The following ALMS1 variants were observed in gnomAD, a reference collection of about 807,000 sequenced individuals.
ALMS1 encodes the protein centrosome-associated protein ALMS1.
Under a neutral mutation model 352.2 loss-of-function variants are expected in ALMS1, and 271 were observed. That is an observed-to-expected ratio of 0.77 (90% CI 0.70 to 0.85). The LOEUF (loss-of-function observed/expected upper bound fraction) is 0.85. Ranked by LOEUF, ALMS1 falls within the 40% of genes least tolerant of loss-of-function variation. ALMS1 has a pLI of 0.00. For missense variants in ALMS1, 5,445 were observed against 4,870.7 expected (o/e 1.12, Z -3.51); for synonymous variants, 1,865 against 1,761.2 (o/e 1.06, Z -1.48).
chr2:73,593,396 ATTGT>A (rs1277669244), intron 16 of ALMS1, among the ~76,000 whole-genome samples: 5 of 151,648 alleles, frequency 3.3e-5, no homozygotes, highest in Non-Finnish European at 5.9e-5. Context: ...TTTTTTTAGG[ATTGT>A]TTGTTGTTTA....
Position 73,491,108 on chromosome 2 carries a change from C to G in ALMS1, c.9149C>G (p.Thr3050Ser). The change falls in exon 10 of 23, where the codon ACT (threonine) becomes AGT (serine). Residue 3050 changes from threonine (T) to serine (S), a missense_variant. Thr to Ser is a moderately conservative substitution (Grantham distance 58). Coordinates refer to ENST00000613296, the MANE Select transcript of ALMS1 (RefSeq NM_001378454.1). ...NRKALSCVHITLCPKTSSKLD... is the reference protein window; with the variant it reads ...NRKALSCVHISLCPKTSSKLD... ...AAAGCACTTTCTTGTGTTCATATAA[C>G]TCTTTGTCCCAAGACTTCTTCCAAG... 1.2e-6 allele frequency: 2 copies of G among 1,614,194 alleles called. No individual in the cohort carries two copies. Among genetic ancestry groups the G allele is most frequent in the East Asian group, 2.2e-5 (1 of 44,882 alleles).
chr2:73,450,065 C>G lies in ALMS1; in HGVS notation c.3538C>G (p.Gln1180Glu). 4 of 1,613,886 alleles carry G rather than the reference C, an allele frequency of 2.5e-6. No individual in the cohort carries two copies. Among genetic ancestry groups the G allele is most frequent in the Non-Finnish European group, 3.4e-6 (4 of 1,179,938 alleles). Residue 1180 changes from glutamine to glutamate, a missense_variant, in exon 8 of 23, where the codon CAG becomes GAG. Physicochemically the swap from Gln to Glu is conservative, Grantham distance 29. Transcript: ENST00000613296. ...TTCAGCTGTTACTGGACCAGGTAAC[C>G]AGAAGACTTGGATACCAAGAGTACT... ...KVSAVTGPGN[Q>E]KTWIPRVLST...
At chr2:73,593,021 A>G (rs1675464175) in intron 16 of ALMS1, among the ~76,000 whole-genome samples, 2 of 152,134 alleles carry the variant, frequency 1.3e-5, no homozygotes, top group South Asian at 4.1e-4. Flanking sequence ...GCCATTTAAT[A>G]TATAGTCACC....
chr2:73,527,859 C>G (rs1673824487), intron 11 of ALMS1, among the ~76,000 whole-genome samples: 2 of 151,362 alleles, frequency 1.3e-5, no homozygotes, highest in African/African-American at 4.9e-5. Flanking sequence ...TGAAGTTTTT[C>G]TATGTTTTTT....
At chr2:73,589,565 AT>A (rs1171847832) in intron 16 of ALMS1, among the ~76,000 whole-genome samples, 1 of 152,172 alleles carries the variant, frequency 6.6e-6, no homozygotes, top group Non-Finnish European at 1.5e-5. Flanking sequence ...CAAAATACAT[AT>A]TTTTTAAGTA....
chr2:73,398,411 G>A (rs1251958560), intron 1 of ALMS1, among the ~76,000 whole-genome samples: 3 of 152,100 alleles, frequency 2.0e-5, no homozygotes, highest in African/African-American at 7.2e-5. Context: ...GTTAGGTAGT[G>A]TCAGTCCTCC....
chr2:73,539,331 T>C (rs1478367320), intron 12 of ALMS1, among the ~76,000 whole-genome samples: 1 of 151,614 alleles, frequency 6.6e-6, no homozygotes, highest in African/African-American at 2.4e-5. Context: ...GTCCTGACTG[T>C]TACTAACAAA....
At position 73,452,537 on chromosome 2, in the gene ALMS1, C is replaced by T; in HGVS notation, c.6010C>T (p.Pro2004Ser). 1.2e-6 allele frequency: 2 copies of T among 1,614,022 alleles called. No homozygotes were observed. Among genetic ancestry groups the T allele is most frequent in the South Asian group, 1.1e-5 (1 of 91,084 alleles). ...ACTCAAGATTTCAACTGTGCATATA[C>T]CAGATGACCAGAAAACTGAGTTTCC... Reference protein sequence around the residue: ...EKLKISTVHIPDDQKTEFPAA... With the variant: ...EKLKISTVHISDDQKTEFPAA... Residue 2004 changes from proline (P) to serine (S), a missense_variant, in exon 8 of 23, where the codon CCA (proline) becomes TCA (serine). Pro to Ser is a moderately conservative substitution (Grantham distance 74). Coordinates refer to ENST00000613296, the MANE Select transcript of ALMS1 (RefSeq NM_001378454.1).
chr2:73,588,365 T>G (rs1675353163), intron 16 of ALMS1, among the ~76,000 whole-genome samples: 1 of 149,552 alleles, frequency 6.7e-6, no homozygotes, highest in Admixed American at 6.7e-5. Flanking sequence ...ACACGTGCAC[T>G]TGTGCCCCAC....
chr2:73,550,109 C>T (rs1308932224), intron 12 of ALMS1, among the ~76,000 whole-genome samples, 158 bp from the exon 13 acceptor site: 2 of 152,218 alleles, frequency 1.3e-5, no homozygotes, highest in East Asian at 3.8e-4. Context: ...ATCCGCCTGC[C>T]TCCACCTTCC....
intron 10 of ALMS1, among the ~76,000 whole-genome samples, chr2:73,498,208 G>A (rs575975813): frequency 2.1e-4 from 32 of 151,712 alleles, no homozygotes; most frequent in Admixed American, 2.0e-3. Context: ...GTTGGTGGCT[G>A]CTAACTGCTC....
At chr2:73,444,417 C>A (rs1671770144) in intron 7 of ALMS1, among the ~76,000 whole-genome samples, 1 of 152,164 alleles carries the variant, frequency 6.6e-6, no homozygotes, top group African/African-American at 2.4e-5. Flanking sequence ...TTCACAACAC[C>A]AGCAGTTCAT....
At chr2:73,444,918 A>G (rs553985471) in intron 7 of ALMS1, among the ~76,000 whole-genome samples, 25 of 152,242 alleles carry the variant, frequency 1.6e-4, no homozygotes, top group Non-Finnish European at 1.3e-4. Flanking sequence ...GTTATCAATA[A>G]TTAATAATTA....
intron 22 of ALMS1, 52 bp from the exon 23 acceptor site, chr2:73,609,516 C>G: frequency 6.4e-7 from 1 of 1,568,998 alleles, no homozygotes; most frequent in Non-Finnish European, 8.8e-7. Flanking sequence ...AGGCATCTGC[C>G]TCTGATGGCA....
intron 10 of ALMS1, among the ~76,000 whole-genome samples, chr2:73,499,599 T>G (rs189404843): frequency 3.9e-5 from 6 of 152,290 alleles, no homozygotes; most frequent in Admixed American, 3.9e-4. Context: ...TTATTTCTGC[T>G]GTTTTATAGT....
Position 73,519,893 on chromosome 2 carries a change from A to C in ALMS1, c.9658A>C (p.Ile3220Leu), listed in dbSNP as rs760370290. 6.2e-7 allele frequency: 1 copy of C among 1,614,158 alleles called. No homozygotes were observed. Among genetic ancestry groups the C allele is most frequent in the Non-Finnish European group, 8.5e-7 (1 of 1,179,994 alleles). ...EKTLFSSEIF[I>L]NAEDRGHEII... Reference sequence around the variant, plus strand: ...GACCCTATTTTCATCTGAGATTTTTATTAATGCTGAAGATCGTGGACATGA... The same window carrying C: ...GACCCTATTTTCATCTGAGATTTTTCTTAATGCTGAAGATCGTGGACATGA... The change falls in exon 11 of 23, where the codon ATT (isoleucine) becomes CTT (leucine). Residue 3220 changes from isoleucine to leucine, a missense_variant. Physicochemically the swap from Ile to Leu is conservative, Grantham distance 5. Transcript: ENST00000613296.
chr2:73,596,879 CT>C (rs1308774026), intron 16 of ALMS1, among the ~76,000 whole-genome samples: 3 of 74,368 alleles, frequency 4.0e-5, no homozygotes, highest in Non-Finnish European at 5.4e-5. Context: ...TTTTTTTTTT[CT>C]TTTTTTTTTT....
chr2:73,418,414 A>G (rs902638916), intron 2 of ALMS1, among the ~76,000 whole-genome samples: 14 of 152,206 alleles, frequency 9.2e-5, no homozygotes, highest in Admixed American at 2.0e-4. Flanking sequence ...GCTGAAGTGA[A>G]TGCTTCAGTA....
At chr2:73,424,397 T>C (rs1432944140) in intron 4 of ALMS1, 33 bp from the exon 5 acceptor site, 6 of 1,292,400 alleles carry the variant, frequency 4.6e-6, no homozygotes, top group South Asian at 1.7e-5. Flanking sequence ...TTTAATGTTA[T>C]TTATTTATTT....
Sources: gnomAD v4.1 joint callset for allele counts (sites outside exome capture counted in the v4.1 genomes callset) on GRCh38, gnomAD v4.1.1 for gene constraint, MANE v1.5 for transcripts, NCBI Gene and HGNC (gene_info 2026-07-23, HGNC 2026-07-21) for gene names.